ZFPM2: variants seen among roughly 807,000 people sequenced by gnomAD.
ZFPM2 encodes zinc finger protein, FOG family member 2.
ZFPM2 carries 20 observed loss-of-function variants against 98.6 expected under a neutral mutation model. The ratio of observed to expected loss-of-function variants is 0.20; its 90% CI spans 0.14 to 0.29. The LOEUF (loss-of-function observed/expected upper bound fraction) is 0.29. ZFPM2 is among the 10% of genes least tolerant of loss of function. The pLI is 1.00. For synonymous variants in ZFPM2, 518 were observed against 502.7 expected (o/e 1.03, Z -0.41); for missense variants, 1,310 against 1,388.6 (o/e 0.94, Z 0.90).
chr8:105,385,598 T>A, intron 1 of ZFPM2, among the ~76,000 whole-genome samples: 1 of 152,306 alleles, frequency 6.6e-6, no homozygotes, highest in East Asian at 1.9e-4. Flanking sequence ...CGTATCTTAG[T>A]GAAACACCTT....
At chr8:105,641,393 T>G (rs2130851495) in intron 5 of ZFPM2, among the ~76,000 whole-genome samples, 1 of 152,204 alleles carries the variant, frequency 6.6e-6, no homozygotes, top group Admixed American at 6.5e-5. Flanking sequence ...GGTTACGTTC[T>G]ATTAATATTT....
chr8:105,529,561 A>G (rs1013010734), intron 3 of ZFPM2, among the ~76,000 whole-genome samples: 1 of 150,216 alleles, frequency 6.7e-6, no homozygotes, highest in African/African-American at 2.5e-5. Context: ...GTGCTCTTCT[A>G]ACAACACAAC....
intron 4 of ZFPM2, among the ~76,000 whole-genome samples, chr8:105,622,056 T>A (rs2130818557): frequency 6.6e-6 from 1 of 152,140 alleles, no homozygotes; most frequent in South Asian, 2.1e-4. Context: ...TGCTGATTAG[T>A]TATTACTAAT....
rs554676127 is a variant in ZFPM2, at chr8:105,530,718, T to G, written c.302-30645T>G. Among the ~76,000 whole-genome samples the G allele has an allele frequency of 3.3e-5, 5 of 152,226 alleles. No homozygotes were observed. In the East Asian group the frequency reaches 9.7e-4, roughly 29 times the overall value. On this transcript the variant is annotated intron_variant, in intron 3 of 7. Transcript: ENST00000407775. ...TTATTTATCTATTAAAGACCCTTAC[T>G]CCAGATAAAGTCACATCAGGGGTTA...
chr8:105,574,006 TAC>T (rs1235024101), intron 4 of ZFPM2, among the ~76,000 whole-genome samples: 1 of 152,220 alleles, frequency 6.6e-6, no homozygotes, highest in Non-Finnish European at 1.5e-5. Context: ...TTGAAAAACA[TAC>T]AGATTGTTAA....
chr8:105,603,260 T>C (rs547954655), intron 4 of ZFPM2, among the ~76,000 whole-genome samples: 78 of 152,122 alleles, frequency 5.1e-4, no homozygotes, highest in Non-Finnish European at 4.3e-4. Context: ...AGATTCTTGC[T>C]TACAGCATGG....
In ZFPM2 at chr8:105,692,842, G is replaced by T. The variant is rs367813626; in HGVS notation, c.532+58485G>T. 1.8e-3 allele frequency among the ~76,000 whole-genome samples: 276 copies of T among 152,370 alleles called. 2 individuals are homozygous for T. Among genetic ancestry groups the T allele is most frequent in the African/African-American group, 6.5e-3 (271 of 41,588 alleles). The stretch of plus-strand genomic sequence containing the variant: ...CTAGGAAGCTACTTCCAAGGCATGT[G>T]TGAAGGGCTTTGAATACTAGGTTAA... On this transcript the variant is annotated intron_variant, in intron 5 of 7. Coordinates refer to ENST00000407775, the MANE Select transcript of ZFPM2 (RefSeq NM_012082.4).
At position 105,803,614 on chromosome 8, in the gene ZFPM2, T is replaced by G; in HGVS notation, c.*76T>G. 3.5e-6 allele frequency: 5 copies of G among 1,419,670 alleles called. No homozygotes were observed. Among genetic ancestry groups the G allele is most frequent in the Non-Finnish European group, 4.8e-6 (5 of 1,033,688 alleles). The allele number at this position is 1,419,670 out of a possible 1,614,324, so 87.9% of individuals were successfully genotyped here. A position where few individuals can be genotyped will look rare whatever the true frequency, so the allele number is the denominator to read the frequency against. ...AACCAGTCCAGAAAAAAAAATAAGC[T>G]GTTTGAATTACATCTGGGCAATCAG... On this transcript the variant is annotated 3_prime_UTR_variant, in exon 8 of 8. Coordinates refer to ENST00000407775, the MANE Select transcript of ZFPM2 (RefSeq NM_012082.4).
chr8:105,791,698 C>T (rs1010912173), intron 6 of ZFPM2, among the ~76,000 whole-genome samples: 4 of 152,118 alleles, frequency 2.6e-5, no homozygotes, highest in Admixed American at 1.3e-4. Context: ...TGGTAGAATT[C>T]GGCTATGAAT....
rs761322916 is a variant in ZFPM2, at chr8:105,798,714, T to G, written c.740-10T>G. The stretch of plus-strand genomic sequence containing the variant: ...AGCAGCAAATGTGTCTCTTGTGTTT[T>G]TACCTGCAGAGGATATATTCCCTTG... On this transcript the variant is annotated splice_polypyrimidine_tract_variant and intron_variant, in intron 6 of 7. Coordinates refer to ENST00000407775, the MANE Select transcript of ZFPM2 (RefSeq NM_012082.4). The G allele has an allele frequency of 6.2e-7, 1 of 1,607,774 alleles. No homozygotes were observed. The highest frequency in any genetic ancestry group is 2.2e-5 in the East Asian group (1 of 44,716).
intron 5 of ZFPM2, among the ~76,000 whole-genome samples, chr8:105,722,249 CT>C (rs34927092): frequency 5.9e-5 from 9 of 151,756 alleles, no homozygotes; most frequent in African/African-American, 2.2e-4. Context: ...TAACTTAATT[CT>C]TTCATACCAA....
At chr8:105,683,120 A>C (rs1196533540) in intron 5 of ZFPM2, among the ~76,000 whole-genome samples, 2 of 152,032 alleles carry the variant, frequency 1.3e-5, no homozygotes, top group Non-Finnish European at 2.9e-5. Context: ...CTCTGTCCTC[A>C]TGAGTTAATC....
intron 1 of ZFPM2, among the ~76,000 whole-genome samples, chr8:105,338,430 T>G (rs983491543): frequency 7.2e-5 from 11 of 151,884 alleles, no homozygotes; most frequent in African/African-American, 2.7e-4. Flanking sequence ...TATAATGCTC[T>G]TTTCTGGTCA....
intron 5 of ZFPM2, among the ~76,000 whole-genome samples, chr8:105,682,278 G>T (rs1394771964): frequency 6.6e-6 from 1 of 152,108 alleles, no homozygotes; most frequent in African/African-American, 2.4e-5. Context: ...TTCCAGAAAG[G>T]CATCATCATT....
intron 4 of ZFPM2, among the ~76,000 whole-genome samples, chr8:105,579,845 A>C: frequency 6.6e-6 from 1 of 152,140 alleles, no homozygotes; most frequent in Non-Finnish European, 1.5e-5. Flanking sequence ...TTGCAAAATG[A>C]AAACTGGAAT....
chr8:105,516,502 G>GTT (rs1289180549), intron 3 of ZFPM2, among the ~76,000 whole-genome samples: 1 of 152,140 alleles, frequency 6.6e-6, no homozygotes. Context: ...AATAGTGGTA[G>GTT]TTTTTAAAAT....
In ZFPM2 at chr8:105,441,456, A is replaced by G. The variant is rs13272913; in HGVS notation, c.200-2824A>G. ...AGAAAGAGAGAGAGAGAGAGAGAGA[A>G]AGAAAGAAAGAAAGAAAGAAAGAAA... On this transcript the variant is annotated intron_variant, in intron 2 of 7. Coordinates refer to ENST00000407775, the MANE Select transcript of ZFPM2 (RefSeq NM_012082.4). 9.6e-3 allele frequency among the ~76,000 whole-genome samples: 443 copies of G among 45,934 alleles called. 63 individuals carry two copies. Among genetic ancestry groups the G allele is most frequent in the African/African-American group, 0.035 (264 of 7,448 alleles). 30.1% of individuals were successfully genotyped at this position (45,934 alleles called of 152,430 possible).
intron 2 of ZFPM2, among the ~76,000 whole-genome samples, chr8:105,428,413 T>C (rs773804440): frequency 3.2e-4 from 49 of 152,300 alleles, no homozygotes; most frequent in Non-Finnish European, 6.9e-4. Flanking sequence ...TTTGATATAA[T>C]GTAAGGGGCT....
At chr8:105,524,068 T>C (rs1004278639) in intron 3 of ZFPM2, among the ~76,000 whole-genome samples, 10 of 152,200 alleles carry the variant, frequency 6.6e-5, no homozygotes, top group Non-Finnish European at 1.3e-4. Flanking sequence ...AAAATACTCA[T>C]AGCCTCTAAA....
Sources: allele counts gnomAD v4.1 joint callset (sites outside exome capture counted in the v4.1 genomes callset), GRCh38; gene constraint gnomAD v4.1.1; transcripts MANE v1.5; gene names NCBI Gene and HGNC (gene_info 2026-07-23, HGNC 2026-07-21).